The following WWC1 variants were observed in gnomAD, a reference collection of about 807,000 sequenced individuals.
The protein encoded by WWC1 is protein KIBRA.
In WWC1, 55 loss-of-function variants were observed where a neutral mutation model predicts 138.4. That is an observed-to-expected ratio of 0.40 (90% confidence interval 0.32 to 0.50). WWC1 has a LOEUF of 0.50. Among genes scored for constraint, WWC1 ranks in the 20% least tolerant of loss-of-function variants. The pLI is 0.72. For synonymous variants in WWC1, 524 were observed against 564.9 expected (o/e 0.93, Z 1.03); for missense variants, 1,226 against 1,420.4 (o/e 0.86, Z 2.20).
intron 1 of WWC1, among the ~76,000 whole-genome samples, chr5:168,340,423 C>T (rs1434752208): frequency 1.3e-5 from 2 of 152,202 alleles, no homozygotes; most frequent in African/African-American, 4.8e-5. Flanking sequence ...TCACCACAAT[C>T]ACTTTTATAA....
At chr5:168,426,241 C>T (rs994356072) in intron 11 of WWC1, among the ~76,000 whole-genome samples, 1 of 152,162 alleles carries the variant, frequency 6.6e-6, no homozygotes, top group African/African-American at 2.4e-5. Context: ...AAGCGCCCTA[C>T]TATAGCAGGT....
At chr5:168,346,907 G>A (rs1295397266) in intron 1 of WWC1, among the ~76,000 whole-genome samples, 2 of 152,156 alleles carry the variant, frequency 1.3e-5, no homozygotes, top group Non-Finnish European at 2.9e-5. Context: ...TGATGTTGGG[G>A]CACTGGACAG....
At chr5:168,442,539 G>A (rs1182354055) in intron 16 of WWC1, among the ~76,000 whole-genome samples, 1 of 150,994 alleles carries the variant, frequency 6.6e-6, no homozygotes, top group Non-Finnish European at 1.5e-5. Context: ...TTGTGACTTT[G>A]TTATTTGAAA....
chr5:168,299,238 A>C (rs1429163114), intron 1 of WWC1, among the ~76,000 whole-genome samples: 2 of 152,224 alleles, frequency 1.3e-5, no homozygotes, highest in Non-Finnish European at 2.9e-5. Flanking sequence ...AGGGCCCCAG[A>C]GTGCCCTGTT....
At chr5:168,404,270 A>G (rs756116425) in intron 5 of WWC1, among the ~76,000 whole-genome samples, 2 of 152,234 alleles carry the variant, frequency 1.3e-5, no homozygotes, top group Non-Finnish European at 2.9e-5. Flanking sequence ...CAGCAGGGCC[A>G]CTGCCTGTCC....
Position 168,467,944 on chromosome 5 carries a change from C to T in WWC1, c.3255C>T (p.Pro1085=). The T allele has an allele frequency of 6.2e-7, 1 of 1,614,218 alleles. No homozygotes were observed. The highest frequency in any genetic ancestry group is 8.5e-7 in the Non-Finnish European group (1 of 1,180,034). ...HRLRGQSCKE[P]PEVQSFREKM... ...TCCGAGGCCAGAGCTGTAAGGAACC[C>T]CCAGAAGTTCAGTCTTTCAGGTAAG... is the stretch of plus-strand genomic sequence containing the variant. The change falls in exon 22 of 23, where the codon CCC becomes CCT. Residue 1085 remains proline, a synonymous_variant. Coordinates refer to ENST00000265293, the MANE Select transcript of WWC1 (RefSeq NM_015238.3).
intron 1 of WWC1, among the ~76,000 whole-genome samples, chr5:168,363,935 G>A (rs1776087169): frequency 6.6e-6 from 1 of 152,156 alleles, no homozygotes; most frequent in Non-Finnish European, 1.5e-5. Flanking sequence ...AATGGTGGGT[G>A]TGGTGATGGT....
chr5:168,366,329 C>T (rs773751033), intron 1 of WWC1, among the ~76,000 whole-genome samples: 2 of 152,218 alleles, frequency 1.3e-5, no homozygotes, highest in South Asian at 2.1e-4. Flanking sequence ...GTCCAGATTT[C>T]TTGTAAGTTG....
At chr5:168,316,753 G>A (rs1273157287) in intron 1 of WWC1, 2 of 152,278 alleles carry the variant, frequency 1.3e-5, no homozygotes, top group African/African-American at 4.8e-5. Context: ...AGTTCAACAT[G>A]GGCTGTATCC....
chr5:168,333,194 A>G (rs544041894), intron 1 of WWC1, among the ~76,000 whole-genome samples: 1 of 152,340 alleles, frequency 6.6e-6, no homozygotes, highest in Admixed American at 6.5e-5. Context: ...TGAAGCTCAC[A>G]GGGGTTTCAA....
intron 1 of WWC1, among the ~76,000 whole-genome samples, chr5:168,369,395 T>C (rs546334197): frequency 6.6e-6 from 1 of 152,084 alleles, no homozygotes; most frequent in Non-Finnish European, 1.5e-5. Context: ...TTTGTTGTTG[T>C]TGTTGGTGGT....
rs952495577 is a variant in WWC1, at chr5:168,392,419, G to A, written c.434-5305G>A. Among the ~76,000 whole-genome samples, 5 of 152,168 alleles carry A rather than the reference G, an allele frequency of 3.3e-5. No homozygotes were observed. In the East Asian group the frequency reaches 7.7e-4, roughly 23 times the overall value. On this transcript the variant is annotated intron_variant, in intron 3 of 22. Coordinates refer to ENST00000265293, the MANE Select transcript of WWC1 (RefSeq NM_015238.3). ...GCCAAATCATATGCTGTGGCCAGGC[G>A]CTCATGCCTGTAATACCAGCACTTT...
intron 1 of WWC1, among the ~76,000 whole-genome samples, chr5:168,324,525 A>G (rs1772375572): frequency 6.6e-6 from 1 of 152,252 alleles, no homozygotes; most frequent in Non-Finnish European, 1.5e-5. Context: ...CACCAGAAAT[A>G]GAAAAAACTA....
rs554486106 is a variant in WWC1 at position 168,353,474 on chromosome 5, C to T, written c.120-17950C>T. On this transcript the variant is annotated intron_variant, in intron 1 of 22. Transcript: ENST00000265293. Reference sequence around the variant, plus strand: ...TCAGCCACTCCTGGCATCAGCCTGCCGTCGTCTTGCCAACCCTCCACCTCT... The same window carrying T: ...TCAGCCACTCCTGGCATCAGCCTGCTGTCGTCTTGCCAACCCTCCACCTCT... Among the ~76,000 whole-genome samples the T allele has an allele frequency of 2.0e-5, 3 of 152,354 alleles. No individual in the cohort carries two copies. In the South Asian group the frequency reaches 6.2e-4, roughly 32 times the overall value.
intron 5 of WWC1, among the ~76,000 whole-genome samples, chr5:168,399,954 T>G (rs1190069904): frequency 1.3e-5 from 2 of 152,184 alleles, no homozygotes; most frequent in East Asian, 3.9e-4. Context: ...ACACTTCTTT[T>G]TTCCATATCC....
chr5:168,341,998 G>C (rs1474691996), intron 1 of WWC1, among the ~76,000 whole-genome samples: 1 of 152,212 alleles, frequency 6.6e-6, no homozygotes, highest in Non-Finnish European at 1.5e-5. Flanking sequence ...AGTGAAGCCT[G>C]CAGCCTGTGT....
chr5:168,421,115 C>T (rs551603484), intron 9 of WWC1, among the ~76,000 whole-genome samples: 1 of 152,316 alleles, frequency 6.6e-6, no homozygotes, highest in Middle Eastern at 3.4e-3. Flanking sequence ...TAACAGGCAG[C>T]CTTCCATGTG....
intron 13 of WWC1, among the ~76,000 whole-genome samples, chr5:168,429,228 T>C (rs1211220640): frequency 6.6e-6 from 1 of 151,880 alleles, no homozygotes; most frequent in Non-Finnish European, 1.5e-5. Context: ...CTTTTTGTTT[T>C]CTTTTGTTGG....
In WWC1 at chr5:168,471,441, A is replaced by G. The variant is rs1417149359; in HGVS notation, c.*2424A>G. Reference sequence around the variant, plus strand: ...ATCAATCAACACCTTCCCCAACTCAATTGTACTAGGTTGTAGAGCACAAGG... The same window carrying G: ...ATCAATCAACACCTTCCCCAACTCAGTTGTACTAGGTTGTAGAGCACAAGG... On this transcript the variant is annotated 3_prime_UTR_variant, in exon 23 of 23. Coordinates refer to ENST00000265293, the MANE Select transcript of WWC1 (RefSeq NM_015238.3). 6.6e-6 allele frequency: 1 copy of G among 152,216 alleles called. No individual in the cohort carries two copies. Among genetic ancestry groups the G allele is most frequent in the Non-Finnish European group, 1.5e-5 (1 of 68,062 alleles). The allele number at this position is 152,216 out of a possible 1,614,324, so 9.4% of individuals were successfully genotyped here. A position where few individuals can be genotyped will look rare whatever the true frequency, so the allele number is the denominator to read the frequency against.
Sources: allele counts gnomAD v4.1 joint callset (sites outside exome capture counted in the v4.1 genomes callset), GRCh38; gene constraint gnomAD v4.1.1; transcripts MANE v1.5; gene names NCBI Gene and HGNC (gene_info 2026-07-23, HGNC 2026-07-21).